The following DUOX1 variants were observed in gnomAD, a reference collection of about 807,000 sequenced individuals.
The protein encoded by DUOX1 is NADPH thyroid oxidase 1.
A neutral mutation model predicts 181.8 loss-of-function variants in DUOX1; 134 were observed. The ratio of observed to expected loss-of-function variants is 0.74; its 90% CI spans 0.64 to 0.85. The LOEUF (loss-of-function observed/expected upper bound fraction) is 0.85. Ranked by LOEUF, DUOX1 falls within the 40% of genes least tolerant of loss-of-function variation. The pLI is 0.00. For synonymous variants in DUOX1, 798 were observed against 832.5 expected (o/e 0.96, Z 0.71); for missense variants, 1,814 against 2,064.4 (o/e 0.88, Z 2.35).
At position 45,152,285 on chromosome 15, in the gene DUOX1, G is replaced by T. The variant is rs527874684; in HGVS notation, c.3194-1G>T. ...CTTGCCTGCCTGGGCCCCCTCCACA[G>T]ACTACGCCTTTGCCGCACATCACAC... On this transcript the variant is annotated splice_acceptor_variant, in intron 24 of 33. Transcript: ENST00000389037. LOFTEE classifies it high-confidence loss of function. 3.1e-6 allele frequency: 5 copies of T among 1,613,286 alleles called. No homozygotes were observed. The East Asian group carries it at 1.1e-4, about 36-fold the overall frequency.
chr15:45,135,171 T>C lies in DUOX1; in HGVS notation c.375T>C (p.Ile125=), dbSNP rs756938280. 26 of 1,613,538 alleles carry C rather than the reference T, an allele frequency of 1.6e-5. No homozygotes were observed. The highest frequency in any genetic ancestry group is 1.6e-4 in the Middle Eastern group (1 of 6,084). ...GCTGCCCCGCCGAGTTCCTCAACATTCGCATCCCGCCCGGAGACCCCATGT... is the reference window on the plus strand; with the variant it reads ...GCTGCCCCGCCGAGTTCCTCAACATCCGCATCCCGCCCGGAGACCCCATGT... ...TPGCPAEFLN[I]RIPPGDPMFD... The change falls in exon 5 of 34, where the codon ATT becomes ATC. Residue 125 remains isoleucine (I), a synonymous_variant. Transcript: ENST00000389037.
intron 33 of DUOX1, 144 bp downstream of exon 33, chr15:45,164,062 G>A: frequency 7.7e-7 from 1 of 1,306,906 alleles, no homozygotes. Context: ...GGAATGGAAA[G>A]GATAGGTGGG....
chr15:45,147,433 G>A lies in DUOX1; in HGVS notation c.2323G>A (p.Val775Met), dbSNP rs1262339021. 6.2e-7 allele frequency: 1 copy of A among 1,613,208 alleles called. No homozygotes were observed. Among genetic ancestry groups the A allele is most frequent in the South Asian group, 1.1e-5 (1 of 90,838 alleles). The change falls in exon 19 of 34, where the codon GTG (valine) becomes ATG (methionine). Residue 775 changes from valine (V) to methionine (M), a missense_variant and splice_region_variant. Physicochemically the swap from Val to Met is conservative, Grantham distance 21 (BLOSUM62 1). This residue lies in a region of DUOX1 where 1,064 missense variants were observed against 1,152.9 expected (regional missense o/e 0.92). Coordinates refer to ENST00000389037, the MANE Select transcript of DUOX1 (RefSeq NM_175940.3). ...TCCCTCTGCTTCTGCCCAAGTGCAGGTGCTGGACATCAACCAGGCCGACGC... is the reference window on the plus strand; with the variant it reads ...TCCCTCTGCTTCTGCCCAAGTGCAGATGCTGGACATCAACCAGGCCGACGC... ...ETFFRHLFSQVLDINQADAGT... is the reference protein window; with the variant it reads ...ETFFRHLFSQMLDINQADAGT...
At chr15:45,144,540 C>A (rs1896598133) in intron 17 of DUOX1, among the ~76,000 whole-genome samples, 1 of 152,220 alleles carries the variant, frequency 6.6e-6, no homozygotes, top group Non-Finnish European at 1.5e-5. Flanking sequence ...GAAGCAAAGC[C>A]CTCTTCCCTG....
At chr15:45,148,924 G>T (rs1388276329) in intron 21 of DUOX1, among the ~76,000 whole-genome samples, 5 of 150,916 alleles carry the variant, frequency 3.3e-5, no homozygotes, top group South Asian at 2.1e-4. Context: ...ATCTCTTGGG[G>T]TTTTTTTTTG....
chr15:45,132,147 C>T (rs1359493391), intron 2 of DUOX1, 123 bp downstream of exon 2: 20 of 827,946 alleles, frequency 2.4e-5, no homozygotes, highest in Non-Finnish European at 3.2e-5. Flanking sequence ...TGACACAGTG[C>T]CCTGCACATG....
Position 45,155,887 on chromosome 15 carries a change from CTTCT to C in DUOX1, c.3661_3664del (p.Phe1221GlyfsTer2). On this transcript the variant is annotated frameshift_variant, in exon 28 of 34. Transcript: ENST00000389037. LOFTEE classifies it high-confidence loss of function. ...ACTTCCGCCGCCGCAGTTTCCGGGG[CTTCT>C]GGCTGACCCACCACCTCTACATCCT... The C allele has an allele frequency of 1.4e-5, 23 of 1,614,192 alleles. No homozygotes were observed. Among genetic ancestry groups the C allele is most frequent in the Non-Finnish European group, 1.9e-5 (22 of 1,180,042 alleles).
At chr15:45,140,069 A>AC in intron 12 of DUOX1, 1 of 1,371,164 alleles carries the variant, frequency 7.3e-7, no homozygotes, top group South Asian at 1.1e-5. Context: ...GTGTTCTCAA[A>AC]CCAGTAGCGG....
At chr15:45,162,857 C>T (rs1897142308) in intron 31 of DUOX1, among the ~76,000 whole-genome samples, 1 of 152,102 alleles carries the variant, frequency 6.6e-6, no homozygotes, top group African/African-American at 2.4e-5. Context: ...GAACACAGCT[C>T]AAACCCTCAG....
At chr15:45,162,062 CCTCT>C in intron 30 of DUOX1, 92 bp downstream of exon 30, 1 of 1,461,760 alleles carries the variant, frequency 6.8e-7, no homozygotes, top group Non-Finnish European at 9.4e-7. Context: ...CTGTGCCTCC[CCTCT>C]CTGCATCTAG....
chr15:45,135,693 G>A lies in DUOX1; in HGVS notation c.697+18G>A. The A allele has an allele frequency of 6.9e-7, 1 of 1,449,628 alleles. No individual in the cohort carries two copies. The highest frequency in any genetic ancestry group is 9.1e-7 in the Non-Finnish European group (1 of 1,103,762). The allele number at this position is 1,449,628 out of a possible 1,614,324, so 89.8% of individuals were successfully genotyped here. A position where few individuals can be genotyped will look rare whatever the true frequency, so the allele number is the denominator to read the frequency against. The stretch of plus-strand genomic sequence containing the variant: ...GCTGTACGGTGAGGCCACAGGGGCG[G>A]GACGGGGCCGGCTGGGGGTCTGCGA... On this transcript the variant is annotated intron_variant, in intron 6 of 33. Coordinates refer to ENST00000389037, the MANE Select transcript of DUOX1 (RefSeq NM_175940.3).
intron 8 of DUOX1, 35 bp downstream of exon 8, chr15:45,136,445 C>G: frequency 6.2e-7 from 1 of 1,603,646 alleles, no homozygotes; most frequent in African/African-American, 1.3e-5. Context: ...GGAGGGCTTG[C>G]GTGTGTCTTG....
rs1045066784 is a variant in DUOX1, at chr15:45,137,988, G to T, written c.1087G>T (p.Val363Phe). The change falls in exon 10 of 34, where the codon GTC becomes TTC. Residue 363 changes from valine to phenylalanine, a missense_variant. Val to Phe is a conservative substitution (Grantham distance 50). Coordinates refer to ENST00000389037, the MANE Select transcript of DUOX1 (RefSeq NM_175940.3). ...CTCAAGTGTCTCCAGAGCTCTCCGG[G>T]TCTGCAACAGCTACTGGAGCCGTGA... Reference protein sequence around the residue: ...RNSSVSRALRVCNSYWSREHP... With the variant: ...RNSSVSRALRFCNSYWSREHP... 8.7e-6 allele frequency: 14 copies of T among 1,610,560 alleles called. No individual in the cohort carries two copies. Among genetic ancestry groups the T allele is most frequent in the Non-Finnish European group, 1.2e-5 (14 of 1,177,978 alleles).
intron 5 of DUOX1, 42 bp downstream of exon 5, chr15:45,135,333 A>C (rs1220369851): frequency 1.3e-6 from 2 of 1,540,390 alleles, no homozygotes; most frequent in Admixed American, 4.1e-5. Flanking sequence ...CACCCCAGCC[A>C]GGTGGGACCT....
intron 4 of DUOX1, 124 bp from the exon 5 acceptor site, chr15:45,134,980 G>A (rs1896250076): frequency 1.7e-6 from 2 of 1,152,276 alleles, no homozygotes; most frequent in African/African-American, 1.6e-5. Context: ...TCAGGGCTTG[G>A]ACTTGCCCAT....
intron 16 of DUOX1, 101 bp from the exon 17 acceptor site, chr15:45,143,935 T>C (rs1896574054): frequency 8.8e-7 from 1 of 1,139,520 alleles, no homozygotes; most frequent in Admixed American, 1.8e-5. Context: ...GACAATGAAC[T>C]GTGGAGGCCT....
At chr15:45,130,861 G>A (rs531156789) in intron 1 of DUOX1, among the ~76,000 whole-genome samples, 5 of 152,308 alleles carry the variant, frequency 3.3e-5, no homozygotes, top group Admixed American at 6.5e-5. Flanking sequence ...GGGAAGGACC[G>A]CTGTGGCTAC....
intron 16 of DUOX1, 135 bp downstream of exon 16, chr15:45,143,438 C>T (rs909021720): frequency 1.5e-6 from 1 of 675,140 alleles, no homozygotes; most frequent in Non-Finnish European, 2.5e-6. Flanking sequence ...TGGCATTAAG[C>T]AGAAGTTGGA....
In DUOX1 at chr15:45,151,123, T is replaced by A; in HGVS notation, c.2889T>A (p.Cys963Ter). ...RASYISQDMICPSPRVSARCS... is the reference protein window; with the variant it reads ...RASYISQDMI ...CTATCTCTTACCATTCTTGTCTTAG[T>A]CCCTCTCCCAGAGTGAGTGCCCGCT... The change falls in exon 23 of 34, where the codon TGT (cysteine) becomes TGA (stop). Residue 963 changes from cysteine (C) to a stop codon, truncating the protein, a stop_gained and splice_region_variant. Coordinates refer to ENST00000389037, the MANE Select transcript of DUOX1 (RefSeq NM_175940.3). LOFTEE classifies it high-confidence loss of function. 6.2e-7 allele frequency: 1 copy of A among 1,614,062 alleles called. No individual in the cohort carries two copies. Among genetic ancestry groups the A allele is most frequent in the South Asian group, 1.1e-5 (1 of 91,048 alleles).
Sources: gnomAD v4.1 joint callset for allele counts (sites outside exome capture counted in the v4.1 genomes callset) on GRCh38, gnomAD v4.1.1 for gene constraint, gnomAD v4.1.1 regional missense constraint, MANE v1.5 for transcripts, NCBI Gene and HGNC (gene_info 2026-07-23, HGNC 2026-07-21) for gene names.